The following PRIMA1 variants were observed in gnomAD, a reference collection of about 807,000 sequenced individuals.
PRIMA1 encodes the protein proline rich membrane anchor 1.
PRIMA1 carries 7 observed loss-of-function variants against 17.5 expected under a neutral mutation model. The ratio of observed to expected loss-of-function variants is 0.40; its 90% CI spans 0.23 to 0.75. The LOEUF is 0.75. Among genes scored for constraint, PRIMA1 ranks in the 30% least tolerant of loss-of-function variants. PRIMA1 has a pLI of 0.37. For synonymous variants in PRIMA1, 97 were observed against 77.9 expected, an observed-to-expected ratio of 1.25 and a Z score of -1.29; for missense variants, 200 against 201.8, an observed-to-expected ratio of 0.99 and a Z score of 0.05.
intron 3 of PRIMA1, among the ~76,000 whole-genome samples, chr14:93,770,627 C>T (rs568897843): frequency 3.3e-5 from 5 of 152,308 alleles, no homozygotes; most frequent in South Asian, 2.1e-4. Context: ...CCTATCAAAT[C>T]GTATGATTTT....
chr14:93,738,071 G>A (rs995308368), intron 3 of PRIMA1, among the ~76,000 whole-genome samples: 3 of 152,186 alleles, frequency 2.0e-5, no homozygotes, highest in African/African-American at 7.2e-5. Flanking sequence ...CTTGGATTCA[G>A]CCCGTGGGGT....
rs577979000 is a variant in PRIMA1, at chr14:93,726,726, C to A, written c.360-5180G>T. 2.4e-3 allele frequency among the ~76,000 whole-genome samples: 369 copies of A among 152,076 alleles called. 3 individuals carry two copies. Among genetic ancestry groups the A allele is most frequent in the Admixed American group, 3.2e-3 (49 of 15,276 alleles). On this transcript the variant is annotated intron_variant, in intron 4 of 4. Transcript: ENST00000393140. This position sits in a 1 kb window ranked among gnomAD's most constrained non-coding sequence, Gnocchi z 4.2. ...CCATACAAACATGTACTTACACACACACATATATGTACACACAGGCACATA... is the reference window on the plus strand; with the variant it reads ...CCATACAAACATGTACTTACACACAAACATATATGTACACACAGGCACATA...
intron 4 of PRIMA1, among the ~76,000 whole-genome samples, chr14:93,734,986 G>A (rs1595194852): frequency 1.3e-5 from 2 of 152,272 alleles, no homozygotes; most frequent in African/African-American, 2.4e-5. Context: ...GAGCAGCACT[G>A]CCCTAGTGAG....
intron 3 of PRIMA1, among the ~76,000 whole-genome samples, chr14:93,753,554 C>T (rs764229641): frequency 3.9e-5 from 6 of 152,082 alleles, no homozygotes; most frequent in Non-Finnish European, 7.4e-5. Flanking sequence ...AGGGAGCAGG[C>T]GCTGCTTCTA....
At chr14:93,722,580 C>T (rs371734536) in intron 4 of PRIMA1, among the ~76,000 whole-genome samples, 5 of 141,966 alleles carry the variant, frequency 3.5e-5, no homozygotes, top group Admixed American at 3.5e-4. Flanking sequence ...GGTTAAAATG[C>T]TGGTGGTGAT....
chr14:93,759,926 C>T (rs2076316593), intron 3 of PRIMA1, among the ~76,000 whole-genome samples: 1 of 152,242 alleles, frequency 6.6e-6, no homozygotes, highest in Non-Finnish European at 1.5e-5. Context: ...TGGCCTGAGA[C>T]ACTTGAACCT....
intron 2 of PRIMA1, among the ~76,000 whole-genome samples, chr14:93,785,657 T>C (rs1424390144): frequency 6.6e-6 from 1 of 152,222 alleles, no homozygotes; most frequent in Non-Finnish European, 1.5e-5. Flanking sequence ...CTACGTTCCC[T>C]TGGATTTAGC....
In PRIMA1 at chr14:93,742,186, C is replaced by T. The variant is rs114397698; in HGVS notation, c.230-4816G>A. ...AACAGTGGTTTTTAAAAGAGGCAAC[C>T]AAAGACACTGATTTCCCAAGAGACG... On this transcript the variant is annotated intron_variant, in intron 3 of 4. Transcript: ENST00000393140. 8.2e-3 allele frequency among the ~76,000 whole-genome samples: 1,254 copies of T among 152,288 alleles called. 16 individuals carry two copies. The highest frequency in any genetic ancestry group is 0.028 in the African/African-American group (1,167 of 41,546).
At chr14:93,744,328 GGTCCCAT>G in intron 3 of PRIMA1, among the ~76,000 whole-genome samples, 1 of 152,266 alleles carries the variant, frequency 6.6e-6, no homozygotes, top group East Asian at 1.9e-4. Context: ...TCCCACACCG[GGTCCCAT>G]TGTCTCAGGG....
chr14:93,733,098 A>G (rs2076125880), intron 4 of PRIMA1, among the ~76,000 whole-genome samples: 1 of 152,022 alleles, frequency 6.6e-6, no homozygotes, highest in Admixed American at 6.6e-5. Context: ...ATGGCTGGGA[A>G]CCCCCTCTGG....
At chr14:93,722,782 AC>A (rs1439152798) in intron 4 of PRIMA1, among the ~76,000 whole-genome samples, 2 of 147,252 alleles carry the variant, frequency 1.4e-5, no homozygotes, top group African/African-American at 2.4e-5. Context: ...GATGATGGTG[AC>A]AGTGGTAATG....
rs539187135 is a variant in PRIMA1, at chr14:93,720,004, T to G, written c.*1440A>C. On this transcript the variant is annotated 3_prime_UTR_variant, in exon 5 of 5. Coordinates refer to ENST00000393140, the MANE Select transcript of PRIMA1 (RefSeq NM_178013.4). The stretch of plus-strand genomic sequence containing the variant: ...GGTTTTCAGGTGTGTCTGTCTTCTC[T>G]GGACTTCAAAGTCTCACCTGTAGCT... 1 of 152,246 alleles carries G rather than the reference T, an allele frequency of 6.6e-6. No individual in the cohort carries two copies. The highest frequency in any genetic ancestry group is 2.1e-4 in the South Asian group (1 of 4,828). 9.4% of individuals were successfully genotyped at this position (152,246 alleles called of 1,614,324 possible).
At chr14:93,751,160 C>T (rs1341365880) in intron 3 of PRIMA1, among the ~76,000 whole-genome samples, 2 of 152,208 alleles carry the variant, frequency 1.3e-5, no homozygotes, top group African/African-American at 2.4e-5. Flanking sequence ...ACTTTTCGGG[C>T]ACCTGCAGCC....
intron 2 of PRIMA1, among the ~76,000 whole-genome samples, chr14:93,783,973 C>T (rs1327089501): frequency 6.6e-6 from 1 of 152,176 alleles, no homozygotes; most frequent in Non-Finnish European, 1.5e-5. Context: ...GTCCAGCAGA[C>T]GTTGCCTCCT....
intron 3 of PRIMA1, among the ~76,000 whole-genome samples, chr14:93,742,194 C>T (rs1017647004): frequency 2.0e-5 from 3 of 152,208 alleles, no homozygotes; most frequent in African/African-American, 4.8e-5. Context: ...ACCAAAGACA[C>T]TGATTTCCCA....
intron 3 of PRIMA1, among the ~76,000 whole-genome samples, chr14:93,748,203 G>C (rs763401123): frequency 5.3e-5 from 8 of 152,124 alleles, no homozygotes; most frequent in Non-Finnish European, 1.0e-4. Flanking sequence ...AAGGGGGCCT[G>C]TGCCCGGTGT....
chr14:93,736,605 C>G (rs570058887), intron 4 of PRIMA1, among the ~76,000 whole-genome samples: 1 of 152,238 alleles, frequency 6.6e-6, no homozygotes, highest in Non-Finnish European at 1.5e-5. Flanking sequence ...TCCTGTGCCC[C>G]GTTACCAGGA....
intron 3 of PRIMA1, among the ~76,000 whole-genome samples, chr14:93,758,113 C>A (rs1303054748): frequency 1.3e-5 from 2 of 152,226 alleles, no homozygotes; most frequent in East Asian, 3.9e-4. Context: ...GCCTCCCTCG[C>A]TTCCTTACAG....
At chr14:93,758,295 T>C (rs1455377114) in intron 3 of PRIMA1, among the ~76,000 whole-genome samples, 2 of 152,026 alleles carry the variant, frequency 1.3e-5, no homozygotes, top group African/African-American at 4.8e-5. Flanking sequence ...CAGTGAAATA[T>C]TGACATTTGG....
Sources: gnomAD v4.1 joint callset for allele counts (sites outside exome capture counted in the v4.1 genomes callset) on GRCh38, gnomAD v4.1.1 for gene constraint, Gnocchi (gnomAD v3.1) non-coding constraint, MANE v1.5 for transcripts, NCBI Gene and HGNC (gene_info 2026-07-23, HGNC 2026-07-21) for gene names.